Variants in GSTCD observed in about 807,000 individuals in gnomAD.
The protein encoded by GSTCD is glutathione S-transferase C-terminal domain containing.
In GSTCD, 44 loss-of-function variants were observed where a neutral mutation model predicts 68.3. The observed-to-expected ratio is 0.64, with a 90% CI of 0.51 to 0.83. GSTCD has a LOEUF of 0.83. Ranked by LOEUF, GSTCD falls within the 40% of genes least tolerant of loss-of-function variation. The pLI, the probability that GSTCD is intolerant of heterozygous loss-of-function variation, is 0.00. For synonymous variants in GSTCD, 273 were observed against 255.2 expected, an observed-to-expected ratio of 1.07 and a Z score of -0.67; for missense variants, 739 against 735.9, an observed-to-expected ratio of 1.00 and a Z score of -0.05.
chr4:105,833,843 T>A (rs1007987153), intron 8 of GSTCD, among the ~76,000 whole-genome samples: 2 of 152,216 alleles, frequency 1.3e-5, no homozygotes, highest in Non-Finnish European at 2.9e-5. Context: ...AGTATTCTAA[T>A]TCATAATTTC....
intron 5 of GSTCD, among the ~76,000 whole-genome samples, chr4:105,780,297 C>T (rs999046946): frequency 6.6e-6 from 1 of 152,152 alleles, no homozygotes; most frequent in Non-Finnish European, 1.5e-5. Flanking sequence ...GCTAGGGAAG[C>T]GCTGTCTCAC....
chr4:105,801,204 T>A (rs1736094180), intron 5 of GSTCD, among the ~76,000 whole-genome samples: 1 of 152,178 alleles, frequency 6.6e-6, no homozygotes, highest in African/African-American at 2.4e-5. Context: ...ACCTTTTGGC[T>A]AAGATCAAGT....
At chr4:105,822,927 G>A (rs200476845) in intron 5 of GSTCD, 27 bp from the exon 6 acceptor site, 1 of 1,515,668 alleles carries the variant, frequency 6.6e-7, no homozygotes, top group East Asian at 2.3e-5. Flanking sequence ...ATAATGTTTT[G>A]TGTTCTTCAT....
intron 5 of GSTCD, among the ~76,000 whole-genome samples, chr4:105,731,837 A>G (rs933572681): frequency 6.6e-6 from 1 of 152,154 alleles, no homozygotes; most frequent in African/African-American, 2.4e-5. Flanking sequence ...GTTTGTCATA[A>G]ATAGCTCTTA....
At chr4:105,827,434 T>C (rs1025069989) in intron 8 of GSTCD, among the ~76,000 whole-genome samples, 1 of 152,230 alleles carries the variant, frequency 6.6e-6, no homozygotes, top group African/African-American at 2.4e-5. Flanking sequence ...CATTTTGTAA[T>C]ACATCTATAA....
Position 105,753,209 on chromosome 4 carries a change from A to G in GSTCD, c.1240+23710A>G, listed in dbSNP as rs941817700. ...TATTTGACATAAATTATTAATGGGT[A>G]AATTTTTAGCAAGAAACCACTTTAA... On this transcript the variant is annotated intron_variant, in intron 5 of 11. Coordinates refer to ENST00000515279, the MANE Select transcript of GSTCD (RefSeq NM_001370181.1). The G allele has an allele frequency of 7.2e-5, 11 of 152,250 alleles. 1 individual carries two copies. In the South Asian group the frequency reaches 2.1e-3, roughly 29 times the overall value. The allele number at this position is 152,250 out of a possible 1,614,324, so 9.4% of individuals were successfully genotyped here.
chr4:105,748,303 A>G (rs943863900), intron 5 of GSTCD, among the ~76,000 whole-genome samples: 1 of 152,086 alleles, frequency 6.6e-6, no homozygotes, highest in Admixed American at 6.6e-5. Context: ...CATGAGATCA[A>G]AGAGGTGGGT....
At chr4:105,797,708 T>C (rs1190478770) in intron 5 of GSTCD, among the ~76,000 whole-genome samples, 1 of 151,276 alleles carries the variant, frequency 6.6e-6, no homozygotes, top group African/African-American at 2.4e-5. Context: ...TTTCACAGAC[T>C]ATTTCTCTGT....
rs551525444 is a variant in GSTCD, at chr4:105,749,966, A to T, written c.1240+20467A>T. Among the ~76,000 whole-genome samples, 14 of 152,342 alleles carry T rather than the reference A, an allele frequency of 9.2e-5. 1 individual carries two copies. In the South Asian group the frequency reaches 2.9e-3, roughly 32 times the overall value. On this transcript the variant is annotated intron_variant, in intron 5 of 11. Transcript: ENST00000515279. ...GATCAAGATATATAAAGAGTTCTCA[A>T]ATCTCAACAGTTAAACAAATAAATA... is the stretch of plus-strand genomic sequence containing the variant.
intron 5 of GSTCD, among the ~76,000 whole-genome samples, chr4:105,749,959 G>A (rs905005963): frequency 3.9e-5 from 6 of 152,118 alleles, no homozygotes; most frequent in Non-Finnish European, 2.9e-5. Flanking sequence ...TATATAAAGA[G>A]TTCTCAAATC....
chr4:105,745,394 A>G (rs954828877), intron 5 of GSTCD, among the ~76,000 whole-genome samples: 1 of 152,240 alleles, frequency 6.6e-6, no homozygotes, highest in African/African-American at 2.4e-5. Context: ...GGCTATGACC[A>G]TCAATACTCA....
intron 8 of GSTCD, among the ~76,000 whole-genome samples, chr4:105,828,925 T>C (rs1019627205): frequency 7.9e-5 from 12 of 152,158 alleles, no homozygotes; most frequent in Non-Finnish European, 1.5e-5. Flanking sequence ...AAGTTTATTC[T>C]GTAGAAGAAA....
At chr4:105,796,115 A>C (rs1455126828) in intron 5 of GSTCD, among the ~76,000 whole-genome samples, 1 of 152,248 alleles carries the variant, frequency 6.6e-6, no homozygotes, top group Non-Finnish European at 1.5e-5. Context: ...TAATGGATTT[A>C]TAGTTCCACA....
chr4:105,711,840 T>C (rs1275627122), intron 1 of GSTCD, among the ~76,000 whole-genome samples: 2 of 152,240 alleles, frequency 1.3e-5, no homozygotes, highest in Non-Finnish European at 2.9e-5. Context: ...TGGAATCTAG[T>C]TAAGATTCTT....
Position 105,742,537 on chromosome 4 carries a change from A to C in GSTCD, c.1240+13038A>C, listed in dbSNP as rs186255638. On this transcript the variant is annotated intron_variant, in intron 5 of 11. Transcript: ENST00000515279. The stretch of plus-strand genomic sequence containing the variant: ...GCATCATCTGCGGAATGGAGATCAT[A>C]GTGTATACCTTATGGAATTGTTGGT... Among the ~76,000 whole-genome samples, 301 of 152,300 alleles carry C rather than the reference A, an allele frequency of 2.0e-3. 2 individuals are homozygous for C. The highest frequency in any genetic ancestry group is 6.0e-4 in the Non-Finnish European group (41 of 68,026).
intron 5 of GSTCD, among the ~76,000 whole-genome samples, chr4:105,757,074 GT>G (rs1250356471): frequency 2.6e-5 from 4 of 152,092 alleles, no homozygotes; most frequent in Non-Finnish European, 5.9e-5. Context: ...TAGAGGAAAT[GT>G]TTTGGAAGAG....
At chr4:105,810,324 A>G (rs984547568) in intron 5 of GSTCD, among the ~76,000 whole-genome samples, 3 of 152,110 alleles carry the variant, frequency 2.0e-5, no homozygotes, top group Admixed American at 1.3e-4. Flanking sequence ...TAAGACCTCA[A>G]GTCTGATTTT....
chr4:105,727,546 A>G (rs1733083150), intron 4 of GSTCD, among the ~76,000 whole-genome samples: 1 of 151,662 alleles, frequency 6.6e-6, no homozygotes. Flanking sequence ...AAAAAGAAAT[A>G]TAAAGATTAA....
Position 105,828,082 on chromosome 4 carries a change from TAACA to T in GSTCD, c.1530+2287_1530+2290del, listed in dbSNP as rs1338797484. Among the ~76,000 whole-genome samples the T allele has an allele frequency of 5.3e-5, 8 of 152,242 alleles. No homozygotes were observed. In the South Asian group the frequency reaches 6.2e-4, roughly 12 times the overall value. On this transcript the variant is annotated intron_variant, in intron 8 of 11. Coordinates refer to ENST00000515279, the MANE Select transcript of GSTCD (RefSeq NM_001370181.1). ...ATGTTTAGTTGGAAAATTTCAACAA[TAACA>T]AACAGTCATTTCAACCAGATGATAA...
Sources: gnomAD v4.1 joint callset for allele counts (sites outside exome capture counted in the v4.1 genomes callset) on GRCh38, gnomAD v4.1.1 for gene constraint, MANE v1.5 for transcripts, NCBI Gene and HGNC (gene_info 2026-07-23, HGNC 2026-07-21) for gene names.